RNF182: variants seen among roughly 807,000 people sequenced by gnomAD.
RNF182 encodes E3 ubiquitin-protein ligase RNF182.
A neutral mutation model predicts 14.4 loss-of-function variants in RNF182; 15 were observed. That is an observed-to-expected ratio of 1.04 (90% CI 0.70 to 1.60). The LOEUF (loss-of-function observed/expected upper bound fraction) is 1.60, where lower values mean the gene tolerates loss of function less well. Ranked by LOEUF, RNF182 falls within the 40% of genes most tolerant of loss-of-function variation. The pLI, the probability that RNF182 is intolerant of heterozygous loss-of-function variation, is 0.00. For missense variants in RNF182, 268 were observed against 294.8 expected (o/e 0.91, Z 0.67); for synonymous variants, 128 against 122.9 (o/e 1.04, Z -0.27).
rs552891806 is a variant in RNF182, at chr6:13,970,226, A to G, written c.-366-3984A>G. On this transcript the variant is annotated intron_variant, in intron 1 of 2. Coordinates refer to ENST00000488300, the MANE Select transcript of RNF182 (RefSeq NM_152737.4). ...AGTATAGTCACCCTAGTATGCTATCAAATATTAGAATTATTTCTTCTATCT... is the reference window on the plus strand; with the variant it reads ...AGTATAGTCACCCTAGTATGCTATCGAATATTAGAATTATTTCTTCTATCT... Among the ~76,000 whole-genome samples the G allele has an allele frequency of 8.5e-5, 13 of 152,320 alleles. 1 individual carries two copies. Among genetic ancestry groups the G allele is most frequent in the African/African-American group, 2.9e-4 (12 of 41,558 alleles).
intron 1 of RNF182, among the ~76,000 whole-genome samples, chr6:13,954,209 G>T (rs903886445): frequency 6.6e-6 from 1 of 152,072 alleles, no homozygotes; most frequent in Non-Finnish European, 1.5e-5. Flanking sequence ...ACCTCAGTAT[G>T]TATCTTCAAA....
At chr6:13,949,070 C>A in intron 1 of RNF182, 1 of 696,574 alleles carries the variant, frequency 1.4e-6, no homozygotes, top group Admixed American at 2.1e-5. Flanking sequence ...TTTTATAACC[C>A]TTTAAATTTT....
At chr6:13,942,741 C>T (rs1372112057) in intron 1 of RNF182, among the ~76,000 whole-genome samples, 2 of 152,200 alleles carry the variant, frequency 1.3e-5, no homozygotes, top group African/African-American at 4.8e-5. Context: ...ATCCTTTAGA[C>T]TCTTTCACCC....
chr6:13,926,986 C>G (rs531187836), intron 1 of RNF182, among the ~76,000 whole-genome samples: 2 of 152,116 alleles, frequency 1.3e-5, no homozygotes, highest in South Asian at 4.1e-4. Flanking sequence ...GTGAATTTAG[C>G]ACAGTAAGGA....
chr6:13,978,531 G>A lies in RNF182; in HGVS notation c.*668G>A, dbSNP rs1649473887. ...GCTTCATGGCAGAATGTGGCCATTTGTCCTTGAGACACACTCTTTCCTCCA... is the reference window on the plus strand; with the variant it reads ...GCTTCATGGCAGAATGTGGCCATTTATCCTTGAGACACACTCTTTCCTCCA... On this transcript the variant is annotated 3_prime_UTR_variant, in exon 3 of 3. Transcript: ENST00000488300. 6.0e-6 allele frequency: 1 copy of A among 165,766 alleles called. No homozygotes were observed. The highest frequency in any genetic ancestry group is 2.1e-4 in the South Asian group (1 of 4,760). The allele number at this position is 165,766 out of a possible 1,614,324, so 10.3% of individuals were successfully genotyped here.
intron 1 of RNF182, among the ~76,000 whole-genome samples, chr6:13,957,826 G>C (rs545408751): frequency 6.6e-6 from 1 of 152,288 alleles, no homozygotes; most frequent in South Asian, 2.1e-4. Context: ...TAAGGACAAA[G>C]TATACTTCTT....
chr6:13,960,576 T>C (rs1759843346), intron 1 of RNF182, among the ~76,000 whole-genome samples: 1 of 152,122 alleles, frequency 6.6e-6, no homozygotes, highest in African/African-American at 2.4e-5. Flanking sequence ...CAATCACAAA[T>C]GTATTGATGA....
rs1361894684 is a variant in RNF182, at chr6:13,977,587, G to A, written c.468G>A (p.Ala156=). 4 of 1,614,162 alleles carry A rather than the reference G, an allele frequency of 2.5e-6. No individual in the cohort carries two copies. The highest frequency in any genetic ancestry group is 1.3e-5 in the African/African-American group (1 of 75,040). Residue 156 remains alanine (A), a synonymous_variant, in exon 3 of 3, where the codon GCG becomes GCA. Coordinates refer to ENST00000488300, the MANE Select transcript of RNF182 (RefSeq NM_152737.4). ...CTGTGGTAGAATTTTATAGGCCTGCGAGTTTCGACTCTGTCACCACTGTGT... is the reference window on the plus strand; with the variant it reads ...CTGTGGTAGAATTTTATAGGCCTGCAAGTTTCGACTCTGTCACCACTGTGT... ...STPVVEFYRP[A]SFDSVTTVSH... is the part of the protein sequence containing the mutation.
intron 1 of RNF182, among the ~76,000 whole-genome samples, chr6:13,944,697 G>A (rs987437648): frequency 2.0e-5 from 3 of 152,180 alleles, no homozygotes; most frequent in African/African-American, 7.2e-5. Flanking sequence ...TCTGTTATTT[G>A]TACTTAATCC....
At chr6:13,966,227 A>T (rs1223613816) in intron 1 of RNF182, among the ~76,000 whole-genome samples, 1 of 152,060 alleles carries the variant, frequency 6.6e-6, no homozygotes, top group Non-Finnish European at 1.5e-5. Flanking sequence ...TTTCTGACAA[A>T]GATACTCAAT....
In RNF182 at chr6:13,977,608, T is replaced by C. The variant is rs367962308; in HGVS notation, c.489T>C (p.Thr163=). The change falls in exon 3 of 3, where the codon ACT becomes ACC. Residue 163 remains threonine, a synonymous_variant. Coordinates refer to ENST00000488300, the MANE Select transcript of RNF182 (RefSeq NM_152737.4). Reference sequence around the variant, plus strand: ...CTGCGAGTTTCGACTCTGTCACCACTGTGTCACACAACTGGACTGTGTGGA... The same window carrying C: ...CTGCGAGTTTCGACTCTGTCACCACCGTGTCACACAACTGGACTGTGTGGA... The part of the protein sequence containing the change: ...YRPASFDSVT[T]VSHNWTVWNC... 20 of 1,614,114 alleles carry C rather than the reference T, an allele frequency of 1.2e-5. No homozygotes were observed. The highest frequency in any genetic ancestry group is 1.6e-5 in the Non-Finnish European group (19 of 1,180,050).
chr6:13,954,660 G>A (rs1234866955), intron 1 of RNF182, among the ~76,000 whole-genome samples: 3 of 152,122 alleles, frequency 2.0e-5, no homozygotes, highest in Non-Finnish European at 2.9e-5. Flanking sequence ...ACAGGAAACT[G>A]AAAGATTGGG....
intron 1 of RNF182, chr6:13,961,477 T>C (rs971692223): frequency 2.6e-5 from 4 of 152,242 alleles, no homozygotes; most frequent in Non-Finnish European, 4.4e-5. Flanking sequence ...GCTTCCATTG[T>C]AGACTGCCTG....
chr6:13,924,989 G>A lies in RNF182; in HGVS notation c.-401G>A, dbSNP rs1445019551. On this transcript the variant is annotated 5_prime_UTR_variant, in exon 1 of 3. Transcript: ENST00000488300. ...CCCCTCCCAGGCGCCGCCGCAGCCG[G>A]AGCGGCTCCCGGGCCCTGGGCCGCC... 6.9e-6 allele frequency: 1 copy of A among 145,840 alleles called. No homozygotes were observed. Among genetic ancestry groups the A allele is most frequent in the African/African-American group, 2.5e-5 (1 of 39,912 alleles). The allele number at this position is 145,840 out of a possible 1,614,324, so 9.0% of individuals were successfully genotyped here.
At chr6:13,973,426 G>A (rs1053286585) in intron 1 of RNF182, among the ~76,000 whole-genome samples, 6 of 152,112 alleles carry the variant, frequency 3.9e-5, no homozygotes, top group African/African-American at 1.4e-4. Flanking sequence ...GCCAGAGGTG[G>A]AATAATATGG....
chr6:13,964,088 A>G (rs1696814151), intron 1 of RNF182, among the ~76,000 whole-genome samples: 2 of 152,136 alleles, frequency 1.3e-5, no homozygotes, highest in South Asian at 2.1e-4. Context: ...AAAATGTAAA[A>G]AAAAAAAAAG....
chr6:13,962,993 T>C (rs767314500), intron 1 of RNF182, among the ~76,000 whole-genome samples: 1 of 152,178 alleles, frequency 6.6e-6, no homozygotes, highest in Non-Finnish European at 1.5e-5. Context: ...TTTTGAGCTC[T>C]ACTTATTTTG....
intron 1 of RNF182, among the ~76,000 whole-genome samples, chr6:13,948,709 TTA>T (rs1422398347): frequency 6.6e-6 from 1 of 152,188 alleles, no homozygotes; most frequent in Non-Finnish European, 1.5e-5. Context: ...GTAAAACACT[TTA>T]TGTTATAAAA....
intron 1 of RNF182, among the ~76,000 whole-genome samples, chr6:13,966,062 A>T (rs1760021511): frequency 6.6e-6 from 1 of 152,214 alleles, no homozygotes; most frequent in Non-Finnish European, 1.5e-5. Flanking sequence ...GCTTTAAGAC[A>T]AGAAAGGGCA....
Sources: gnomAD v4.1 joint callset for allele counts (sites outside exome capture counted in the v4.1 genomes callset) on GRCh38, gnomAD v4.1.1 for gene constraint, MANE v1.5 for transcripts, NCBI Gene and HGNC (gene_info 2026-07-23, HGNC 2026-07-21) for gene names.